MMRN1: variants seen among roughly 807,000 people sequenced by gnomAD.
MMRN1 encodes the protein multimerin-1.
Under a neutral mutation model 100.7 loss-of-function variants are expected in MMRN1, and 94 were observed. The observed-to-expected ratio is 0.93, with a 90% confidence interval of 0.79 to 1.11. MMRN1 has a LOEUF of 1.11. Among genes scored for constraint, MMRN1 ranks in the 50% least tolerant of loss-of-function variants. MMRN1 has a pLI of 0.00. For synonymous variants in MMRN1, 575 were observed against 505.0 expected (o/e 1.14, Z -1.86); for missense variants, 1,606 against 1,439.1 (o/e 1.12, Z -1.88).
At chr4:89,902,029 C>G (rs527831277) in intron 1 of MMRN1, 22 of 151,844 alleles carry the variant, frequency 1.4e-4, no homozygotes, top group Admixed American at 1.4e-3. Flanking sequence ...AAGCCTGACA[C>G]CTACTGGAAT....
At position 89,936,584 on chromosome 4, in the gene MMRN1, A is replaced by T; in HGVS notation, c.2904A>T (p.Glu968Asp). ...AGAAAGGTCTAACAGAATTTGTGGA[A>T]CCAATAATTCAAATAAAAACTCAAG... ...LLQKGLTEFVEPIIQIKTQAA... is the reference protein window; with the variant it reads ...LLQKGLTEFVDPIIQIKTQAA... Residue 968 changes from glutamate to aspartate, a missense_variant, in exon 6 of 8, where the codon GAA becomes GAT. Transcript: ENST00000264790. 1 of 1,611,976 alleles carries T rather than the reference A, an allele frequency of 6.2e-7. No homozygotes were observed. Among genetic ancestry groups the T allele is most frequent in the Non-Finnish European group, 8.5e-7 (1 of 1,179,246 alleles).
intron 4 of MMRN1, among the ~76,000 whole-genome samples, chr4:89,926,766 C>A (rs1245553886): frequency 6.6e-6 from 1 of 152,110 alleles, no homozygotes; most frequent in Non-Finnish European, 1.5e-5. Context: ...GTTTTGAGGT[C>A]TTAGACTTAA....
chr4:89,880,779 G>A (rs1351432871), intron 1 of MMRN1, among the ~76,000 whole-genome samples: 2 of 152,120 alleles, frequency 1.3e-5, no homozygotes, highest in African/African-American at 4.8e-5. Flanking sequence ...GAAGAATACA[G>A]AGGAGATAAC....
rs368748166 is a variant in MMRN1, at chr4:89,936,660, C to G, written c.2980C>G (p.Leu994Val). 6.2e-7 allele frequency: 1 copy of G among 1,613,378 alleles called. No homozygotes were observed. The highest frequency in any genetic ancestry group is 8.5e-7 in the Non-Finnish European group (1 of 1,179,656). ...CCIDRSLPGS[L>V]ANVVKSQKQV... ...TATAGATCGATCGTTGCCTGGTAGT[C>G]TGGCAAATGTTGTCAAGTCTCAGAA... The change falls in exon 6 of 8, where the codon CTG (leucine) becomes GTG (valine). Residue 994 changes from leucine (L) to valine (V), a missense_variant. Leu to Val is a conservative substitution (Grantham distance 32). Coordinates refer to ENST00000264790, the MANE Select transcript of MMRN1 (RefSeq NM_007351.3).
Position 89,895,537 on chromosome 4 carries a change from GCAGTT to G in MMRN1, c.568_572del (p.Ser190GlnfsTer5). 2 of 1,613,768 alleles carry G rather than the reference GCAGTT, an allele frequency of 1.2e-6. No homozygotes were observed. Among genetic ancestry groups the G allele is most frequent in the Non-Finnish European group, 1.7e-6 (2 of 1,179,870 alleles). ...GAAACATACCTCAGCCGGGGTGACAGCAGTTCCAGCCAAAGAACTGACTACCAAAA... is the reference window on the plus strand; with the variant it reads ...GAAACATACCTCAGCCGGGGTGACAGCCAGCCAAAGAACTGACTACCAAAA... On this transcript the variant is annotated frameshift_variant, in exon 1 of 8. Coordinates refer to ENST00000264790, the MANE Select transcript of MMRN1 (RefSeq NM_007351.3). LOFTEE classifies it high-confidence loss of function.
rs1233289869 is a variant in MMRN1, at chr4:89,925,672, T to TA, written c.956-2115dup. Among the ~76,000 whole-genome samples, 9 of 151,436 alleles carry TA rather than the reference T, an allele frequency of 5.9e-5. No homozygotes were observed. The East Asian group carries it at 7.9e-4, about 13-fold the overall frequency. On this transcript the variant is annotated intron_variant, in intron 4 of 7. Transcript: ENST00000264790. ...TGGTGAAACCCTGTCTCTACTCAAA[T>TA]AAAAAAAATTAGCCACACGTGGTGG...
At chr4:89,887,907 A>C (rs115027723) in intron 1 of MMRN1, among the ~76,000 whole-genome samples, 7,087 of 151,958 alleles carry the variant, frequency 0.047, 224 homozygotes, top group African/African-American at 0.085. Flanking sequence ...AATTCATTAT[A>C]ATTTCACACT....
chr4:89,904,324 A>G (rs1198292940), intron 1 of MMRN1, among the ~76,000 whole-genome samples: 2 of 151,788 alleles, frequency 1.3e-5, no homozygotes, highest in African/African-American at 4.8e-5. Flanking sequence ...CTTTAAATGT[A>G]CAGTTCTGTG....
chr4:89,935,829 A>T lies in MMRN1; in HGVS notation c.2149A>T (p.Ile717Phe), dbSNP rs1161979889. 6.2e-7 allele frequency: 1 copy of T among 1,613,268 alleles called. No homozygotes were observed. Among genetic ancestry groups the T allele is most frequent in the Non-Finnish European group, 8.5e-7 (1 of 1,179,596 alleles). Residue 717 changes from isoleucine (I) to phenylalanine (F), a missense_variant, in exon 6 of 8, where the codon ATC (isoleucine) becomes TTC (phenylalanine). Physicochemically the swap from Ile to Phe is conservative, Grantham distance 21 (BLOSUM62 0). Transcript: ENST00000264790. ...QGRDDALERR[I>F]NEYALEMEDG... ...TCGTGATGATGCCTTAGAAAGACGT[A>T]TCAATGAATATGCCTTAGAAATGGA...
rs538193320 is a variant in MMRN1, at chr4:89,909,050, T to C, written c.624-226T>C. 2.6e-5 allele frequency among the ~76,000 whole-genome samples: 4 copies of C among 151,618 alleles called. No homozygotes were observed. The South Asian group carries it at 6.2e-4, about 24-fold the overall frequency. On this transcript the variant is annotated intron_variant, in intron 1 of 7. Coordinates refer to ENST00000264790, the MANE Select transcript of MMRN1 (RefSeq NM_007351.3). ...CTCATTTTAGCTTTGATTTATTCTT[T>C]TCTTTATTTTGATCTTGTTAGTGTT...
intron 1 of MMRN1, among the ~76,000 whole-genome samples, chr4:89,886,946 A>G (rs968318282): frequency 1.3e-5 from 2 of 152,090 alleles, no homozygotes; most frequent in Non-Finnish European, 2.9e-5. Flanking sequence ...TGAACCTTAT[A>G]TCTTATTTCT....
At chr4:89,930,558 C>T (rs138266596) in intron 5 of MMRN1, among the ~76,000 whole-genome samples, 129 of 152,032 alleles carry the variant, frequency 8.5e-4, no homozygotes, top group Non-Finnish European at 1.4e-3. Context: ...TCTTGAAAAA[C>T]TGTAAGATTA....
Position 89,933,561 on chromosome 4 carries a change from G to A in MMRN1, c.1130-1249G>A, listed in dbSNP as rs116137555. 5.9e-3 allele frequency among the ~76,000 whole-genome samples: 895 copies of A among 152,260 alleles called. 14 individuals carry two copies. The highest frequency in any genetic ancestry group is 0.021 in the African/African-American group (859 of 41,564). ...GACTCACAGTTCCACATGGCTGGGG[G>A]AGCTTCACAATCGTGGCAGAAGGTG... On this transcript the variant is annotated intron_variant, in intron 5 of 7. Transcript: ENST00000264790.
chr4:89,950,773 G>T lies in MMRN1; in HGVS notation c.3119-832G>T, dbSNP rs146430136. On this transcript the variant is annotated intron_variant, in intron 6 of 7. Coordinates refer to ENST00000264790, the MANE Select transcript of MMRN1 (RefSeq NM_007351.3). ...GGGGTATCACTATGCTGCTCAGGCT[G>T]GTCTCAAACACCTGGACTCAAGCCA... 4.7e-3 allele frequency among the ~76,000 whole-genome samples: 711 copies of T among 151,902 alleles called. 2 individuals carry two copies. Among genetic ancestry groups the T allele is most frequent in the Middle Eastern group, 0.041 (12 of 292 alleles).
rs758956402 is a variant in MMRN1 at position 89,927,829 on chromosome 4, C to T, written c.990C>T (p.Tyr330=). 2 of 1,611,850 alleles carry T rather than the reference C, an allele frequency of 1.2e-6. No individual in the cohort carries two copies. The highest frequency in any genetic ancestry group is 1.7e-6 in the Non-Finnish European group (2 of 1,179,080). ...VMQKMTDQVN[Y]QAMKLTLLQK... ...AAAAAATGACTGATCAGGTGAACTA[C>T]CAGGCAATGAAACTGACTCTTCTGC... Residue 330 remains tyrosine, a synonymous_variant, in exon 5 of 8, where the codon TAC becomes TAT. Transcript: ENST00000264790.
intron 2 of MMRN1, 137 bp downstream of exon 2, chr4:89,909,532 G>A (rs979257626): frequency 1.7e-5 from 19 of 1,116,894 alleles, no homozygotes; most frequent in Non-Finnish European, 1.9e-5. Context: ...GCTTTAGTAA[G>A]TGAAAATGCA....
chr4:89,885,000 A>T (rs1247151256), intron 1 of MMRN1, among the ~76,000 whole-genome samples: 1 of 152,146 alleles, frequency 6.6e-6, no homozygotes, highest in Non-Finnish European at 1.5e-5. Flanking sequence ...GATGTTAGCT[A>T]TAGACTCTTT....
intron 1 of MMRN1, among the ~76,000 whole-genome samples, chr4:89,889,406 G>T (rs1273644671): frequency 6.6e-6 from 1 of 152,058 alleles, no homozygotes; most frequent in Non-Finnish European, 1.5e-5. Context: ...CTGCTCTTGT[G>T]GATAAGGTCC....
chr4:89,911,859 C>A (rs1721760341), intron 2 of MMRN1, 85 bp from the exon 3 acceptor site: 2 of 862,450 alleles, frequency 2.3e-6, no homozygotes, highest in Non-Finnish European at 3.7e-6. Flanking sequence ...TAGGCATTGC[C>A]CCAAAAACTT....
Sources: allele counts gnomAD v4.1 joint callset (sites outside exome capture counted in the v4.1 genomes callset), GRCh38; gene constraint gnomAD v4.1.1; transcripts MANE v1.5; gene names NCBI Gene and HGNC (gene_info 2026-07-23, HGNC 2026-07-21).